Variants in VPS13B observed in about 807,000 individuals in gnomAD.
VPS13B encodes the protein vacuolar protein sorting 13 homolog B.
Under a neutral mutation model 426.4 loss-of-function variants are expected in VPS13B, and 285 were observed. The observed-to-expected ratio is 0.67, with a 90% CI of 0.61 to 0.74. The LOEUF is 0.74. Ranked by LOEUF, VPS13B falls within the 30% of genes least tolerant of loss-of-function variation. VPS13B has a pLI of 0.00. For missense variants in VPS13B, 4,537 were observed against 4,782.6 expected, an observed-to-expected ratio of 0.95 and a Z score of 1.51; for synonymous variants, 1,676 against 1,676.4, an observed-to-expected ratio of 1.00 and a Z score of 0.01.
intron 33 of VPS13B, among the ~76,000 whole-genome samples, chr8:99,640,049 G>GAAGAAGAGAAAAGAAAAGAAA (rs1299280170): frequency 1.0e-5 from 1 of 99,724 alleles, no homozygotes; most frequent in Non-Finnish European, 2.0e-5. Context: ...AGAAGAAGAA[G>GAAGAAGAGAAAAGAAAAGAAA]AGAAAAGAAA....
intron 39 of VPS13B, among the ~76,000 whole-genome samples, chr8:99,740,563 C>A (rs1809655865): frequency 6.6e-6 from 1 of 152,162 alleles, no homozygotes; most frequent in South Asian, 2.1e-4. Flanking sequence ...ATGTTAAGGG[C>A]AGCCAGAGAG....
chr8:99,481,904 T>G, intron 25 of VPS13B, 102 bp downstream of exon 25: 1 of 1,338,920 alleles, frequency 7.5e-7, no homozygotes, highest in Non-Finnish European at 1.0e-6. Flanking sequence ...CTGTGAAAAC[T>G]GATAGATTCT....
Position 99,861,874 on chromosome 8 carries a change from C to A in VPS13B, c.11143C>A (p.Arg3715=), listed in dbSNP as rs772640414. The A allele has an allele frequency of 6.3e-7, 1 of 1,596,032 alleles. No homozygotes were observed. Among genetic ancestry groups the A allele is most frequent in the Non-Finnish European group, 8.5e-7 (1 of 1,171,990 alleles). Reference sequence around the variant, plus strand: ...GCACTACAACCGGCAGGAGGAGTGGCGGCGGCAGCTCCCCGAGAGCCTGGG... The same window carrying A: ...GCACTACAACCGGCAGGAGGAGTGGAGGCGGCAGCTCCCCGAGAGCCTGGG... ...EEHYNRQEEW[R]RQLPESLGEG... Residue 3715 remains arginine, a synonymous_variant, in exon 58 of 62, where the codon CGG becomes AGG. Coordinates refer to ENST00000357162, the MANE Select transcript of VPS13B (RefSeq NM_152564.5).
At chr8:99,584,746 G>A (rs1826225579) in intron 33 of VPS13B, among the ~76,000 whole-genome samples, 1 of 152,128 alleles carries the variant, frequency 6.6e-6, no homozygotes, top group South Asian at 2.1e-4. Context: ...TGGAGAAGTG[G>A]AATACATAGA....
At chr8:99,849,963 G>A (rs551908289) in intron 55 of VPS13B, among the ~76,000 whole-genome samples, 3 of 147,884 alleles carry the variant, frequency 2.0e-5, no homozygotes, top group Non-Finnish European at 4.5e-5. Context: ...ACATAAGTAC[G>A]CATGTATGTA....
At chr8:99,559,867 T>C (rs1212556678) in intron 31 of VPS13B, among the ~76,000 whole-genome samples, 1 of 152,204 alleles carries the variant, frequency 6.6e-6, no homozygotes, top group Non-Finnish European at 1.5e-5. Flanking sequence ...TTCTTTTTGC[T>C]TAGGATTGAC....
chr8:99,147,578 CT>C (rs1810806988), intron 13 of VPS13B, among the ~76,000 whole-genome samples: 1 of 151,938 alleles, frequency 6.6e-6, no homozygotes, highest in African/African-American at 2.4e-5. Flanking sequence ...AGCTGTTACT[CT>C]TTTAAAGAAA....
chr8:99,794,282 G>C (rs966640273), intron 43 of VPS13B, among the ~76,000 whole-genome samples: 27 of 152,160 alleles, frequency 1.8e-4, no homozygotes, highest in Admixed American at 1.3e-4. Flanking sequence ...TGCCTAACTA[G>C]AAGTGGGAAT....
At chr8:99,689,475 G>C (rs186050205) in intron 35 of VPS13B, among the ~76,000 whole-genome samples, 2 of 152,204 alleles carry the variant, frequency 1.3e-5, no homozygotes, top group Non-Finnish European at 2.9e-5. Context: ...TCATCAACAA[G>C]GGTCAAGAAG....
intron 23 of VPS13B, among the ~76,000 whole-genome samples, chr8:99,467,065 T>C (rs1819146567): frequency 6.6e-6 from 1 of 152,132 alleles, no homozygotes; most frequent in African/African-American, 2.4e-5. Flanking sequence ...TCAGATCACA[T>C]TTATGTAATG....
At chr8:99,309,924 A>AT (rs1476388333) in intron 19 of VPS13B, among the ~76,000 whole-genome samples, 15 of 152,068 alleles carry the variant, frequency 9.9e-5, no homozygotes, top group Non-Finnish European at 1.8e-4. Flanking sequence ...ATTCCTAGGT[A>AT]TTTTATTCTC....
chr8:99,543,074 A>G (rs1453022236), intron 30 of VPS13B, among the ~76,000 whole-genome samples: 1 of 152,226 alleles, frequency 6.6e-6, no homozygotes, highest in Non-Finnish European at 1.5e-5. Context: ...CTACAAGGCT[A>G]CAGTAACCAA....
At chr8:99,766,393 A>T (rs921211527) in intron 39 of VPS13B, among the ~76,000 whole-genome samples, 14 of 152,154 alleles carry the variant, frequency 9.2e-5, no homozygotes, top group African/African-American at 3.4e-4. Flanking sequence ...TGGCACCTTC[A>T]TTGCATAGTA....
Position 99,819,895 on chromosome 8 carries a change from T to G in VPS13B, c.8793-26T>G, listed in dbSNP as rs770378776. On this transcript the variant is annotated intron_variant, in intron 48 of 61. Transcript: ENST00000357162. ...ATTAAAGTTATCATATTTCATTGAGTCTCTTGGATGTGGTTTTTGGAACAG... is the reference window on the plus strand; with the variant it reads ...ATTAAAGTTATCATATTTCATTGAGGCTCTTGGATGTGGTTTTTGGAACAG... 1.6e-5 allele frequency: 25 copies of G among 1,612,096 alleles called. 1 individual carries two copies. The South Asian group carries it at 2.7e-4, about 18-fold the overall frequency.
Position 99,821,478 on chromosome 8 carries a change from A to T in VPS13B, c.9179A>T (p.Gln3060Leu). 1 of 1,613,684 alleles carries T rather than the reference A, an allele frequency of 6.2e-7. No individual in the cohort carries two copies. Among genetic ancestry groups the T allele is most frequent in the Non-Finnish European group, 8.5e-7 (1 of 1,179,642 alleles). Residue 3060 changes from glutamine to leucine, a missense_variant, in exon 50 of 62, where the codon CAG (glutamine) becomes CTG (leucine). Gln to Leu is a moderately radical substitution (Grantham distance 113). Coordinates refer to ENST00000357162, the MANE Select transcript of VPS13B (RefSeq NM_152564.5). ...EIRLGAFPGHQKLCQFCISSM... is the reference protein window; with the variant it reads ...EIRLGAFPGHLKLCQFCISSM... ...AGACTTGGTGCTTTTCCAGGACATC[A>T]GAAGGTAAGATCAAAGTCTATGTGG...
intron 39 of VPS13B, among the ~76,000 whole-genome samples, chr8:99,747,712 G>A (rs945214903): frequency 1.3e-5 from 2 of 152,138 alleles, no homozygotes; most frequent in East Asian, 1.9e-4. Flanking sequence ...TGAGGAAAAA[G>A]CCTCTTAAAT....
At chr8:99,624,289 G>C (rs1259785994) in intron 33 of VPS13B, among the ~76,000 whole-genome samples, 2 of 151,958 alleles carry the variant, frequency 1.3e-5, no homozygotes, top group African/African-American at 2.4e-5. Flanking sequence ...AATGGAAATG[G>C]CATTAGATCT....
At chr8:99,042,367 A>G (rs1249888325) in intron 3 of VPS13B, among the ~76,000 whole-genome samples, 2 of 151,100 alleles carry the variant, frequency 1.3e-5, no homozygotes, top group Non-Finnish European at 3.0e-5. Context: ...TTTTAGCTTA[A>G]TTTTCTTTAA....
intron 19 of VPS13B, among the ~76,000 whole-genome samples, chr8:99,320,327 C>G: frequency 6.6e-6 from 1 of 152,108 alleles, no homozygotes; most frequent in East Asian, 1.9e-4. Flanking sequence ...TGTAAAAGAC[C>G]AAGGACCTCC....
Sources: allele counts gnomAD v4.1 joint callset (sites outside exome capture counted in the v4.1 genomes callset), GRCh38; gene constraint gnomAD v4.1.1; transcripts MANE v1.5; gene names NCBI Gene and HGNC (gene_info 2026-07-23, HGNC 2026-07-21).